Variants in TGFBR2 observed in about 807,000 individuals in gnomAD.
The protein encoded by TGFBR2 is transforming growth factor beta receptor 2.
A neutral mutation model predicts 49.0 loss-of-function variants in TGFBR2; 18 were observed. The observed-to-expected ratio is 0.37, with a 90% CI of 0.25 to 0.54. The LOEUF (loss-of-function observed/expected upper bound fraction) is 0.54. Ranked by LOEUF, TGFBR2 falls within the 20% of genes least tolerant of loss-of-function variation. TGFBR2 has a pLI of 0.85. For missense variants in TGFBR2, 525 were observed against 722.6 expected (o/e 0.73, Z 3.13); for synonymous variants, 282 against 275.9 (o/e 1.02, Z -0.22).
intron 1 of TGFBR2, among the ~76,000 whole-genome samples, chr3:30,607,839 TTATATATATAAA>T (rs1404342212): frequency 8.1e-6 from 1 of 123,748 alleles, no homozygotes; most frequent in African/African-American, 4.6e-5. Flanking sequence ...ATATATATAA[TTATATATATAAA>T]TATATATAAT....
chr3:30,647,656 T>C (rs568669004), intron 2 of TGFBR2, among the ~76,000 whole-genome samples: 12 of 149,668 alleles, frequency 8.0e-5, no homozygotes, highest in Non-Finnish European at 1.6e-4. Context: ...GATAGAAATA[T>C]TTTATAACCA....
intron 3 of TGFBR2, among the ~76,000 whole-genome samples, chr3:30,652,817 A>G (rs1698919458): frequency 6.6e-6 from 1 of 152,196 alleles, no homozygotes; most frequent in South Asian, 2.1e-4. Context: ...ATGGCCTGCA[A>G]GTTGGATCTA....
At chr3:30,607,001 C>T (rs750148390) in intron 1 of TGFBR2, 24 bp downstream of exon 1, 32 of 1,557,196 alleles carry the variant, frequency 2.1e-5, no homozygotes, top group Non-Finnish European at 2.7e-5. Context: ...AGCCCGGGCT[C>T]GGCGGGGCGC....
chr3:30,678,694 G>A (rs2125443449), intron 5 of TGFBR2, among the ~76,000 whole-genome samples: 1 of 152,222 alleles, frequency 6.6e-6, no homozygotes, highest in South Asian at 2.1e-4. Flanking sequence ...TGGCTGCTTG[G>A]ATTTCTCGGG....
chr3:30,607,850 A>AT (rs1559444211), intron 1 of TGFBR2, among the ~76,000 whole-genome samples: 2 of 137,036 alleles, frequency 1.5e-5, no homozygotes, highest in African/African-American at 6.1e-5. Flanking sequence ...TATATATATA[A>AT]ATATATATAA....
rs75862500 is a variant in TGFBR2, at chr3:30,675,938, T to G, written c.1396+1692T>G. Among the ~76,000 whole-genome samples, 1,209 of 152,328 alleles carry G rather than the reference T, an allele frequency of 7.9e-3. 27 individuals carry two copies. The East Asian group carries it at 0.098, about 12-fold the overall frequency. On this transcript the variant is annotated intron_variant, in intron 5 of 6. Transcript: ENST00000295754. ...CAGGATCCAGTCTAGGATCCCGCATTGATCTAATGTGCATGCCTCCTTAGT... is the reference window on the plus strand; with the variant it reads ...CAGGATCCAGTCTAGGATCCCGCATGGATCTAATGTGCATGCCTCCTTAGT...
intron 5 of TGFBR2, 46 bp downstream of exon 5, chr3:30,674,292 A>G (rs777975964): frequency 6.2e-7 from 1 of 1,610,940 alleles, no homozygotes; most frequent in Admixed American, 1.7e-5. Flanking sequence ...CTTGTCTTCA[A>G]AATAAGATCA....
At chr3:30,645,819 CCTCTCTCTCTCTCT>C (rs4016205) in intron 2 of TGFBR2, among the ~76,000 whole-genome samples, 1 of 147,890 alleles carries the variant, frequency 6.8e-6, no homozygotes, top group Non-Finnish European at 1.5e-5. Flanking sequence ...CACATTTTCT[CCTCTCTCTCTCTCT>C]CTCTCTCTCA....
intron 1 of TGFBR2, among the ~76,000 whole-genome samples, chr3:30,621,777 C>G (rs1057032875): frequency 4.6e-5 from 7 of 152,154 alleles, no homozygotes; most frequent in Admixed American, 2.0e-4. Context: ...CAGCACTTTA[C>G]AAAGCATTTT....
chr3:30,656,242 C>T (rs1429968968), intron 3 of TGFBR2, among the ~76,000 whole-genome samples: 1 of 152,124 alleles, frequency 6.6e-6, no homozygotes. Context: ...TCAGCAGTGA[C>T]AATAGTTTAT....
At chr3:30,658,246 A>ATCATGCT (rs1699045310) in intron 3 of TGFBR2, among the ~76,000 whole-genome samples, 1 of 152,224 alleles carries the variant, frequency 6.6e-6, no homozygotes, top group Non-Finnish European at 1.5e-5. Flanking sequence ...TCAAATCTGA[A>ATCATGCT]TCATGCTTCT....
At chr3:30,634,726 C>A (rs541469699) in intron 1 of TGFBR2, among the ~76,000 whole-genome samples, 1 of 152,238 alleles carries the variant, frequency 6.6e-6, no homozygotes, top group African/African-American at 2.4e-5. Flanking sequence ...TAAATTATTT[C>A]CTTGTTGCTA....
chr3:30,655,811 T>G (rs1698984391), intron 3 of TGFBR2, among the ~76,000 whole-genome samples: 1 of 152,222 alleles, frequency 6.6e-6, no homozygotes, highest in East Asian at 1.9e-4. Flanking sequence ...AGGTGCATCC[T>G]TTCTTACTTC....
chr3:30,679,804 G>C (rs1699508033), intron 5 of TGFBR2, among the ~76,000 whole-genome samples: 3 of 152,180 alleles, frequency 2.0e-5, no homozygotes, highest in Admixed American at 2.0e-4. Context: ...TATACTGCTA[G>C]CCTGGCCAAT....
At chr3:30,608,463 A>T (rs1697974324) in intron 1 of TGFBR2, among the ~76,000 whole-genome samples, 1 of 151,886 alleles carries the variant, frequency 6.6e-6, no homozygotes, top group Non-Finnish European at 1.5e-5. Flanking sequence ...CTTGGAGATG[A>T]CCCATGTAGA....
At chr3:30,652,232 G>GTT (rs11386584) in intron 3 of TGFBR2, among the ~76,000 whole-genome samples, 3,453 of 96,838 alleles carry the variant, frequency 0.036, 217 homozygotes, top group South Asian at 0.038. Context: ...TTTTCTGGTT[G>GTT]TTTTTTTTTT....
chr3:30,657,408 G>A lies in TGFBR2; in HGVS notation c.454+6948G>A, dbSNP rs76180082. On this transcript the variant is annotated intron_variant, in intron 3 of 6. Coordinates refer to ENST00000295754, the MANE Select transcript of TGFBR2 (RefSeq NM_003242.6). Reference sequence around the variant, plus strand: ...ACGATGGCCAGTAAGATGCTCATCTGTTGGGAAGACAACAGAGGGCAGGGC... The same window carrying A: ...ACGATGGCCAGTAAGATGCTCATCTATTGGGAAGACAACAGAGGGCAGGGC... Among the ~76,000 whole-genome samples, 1,030 of 152,270 alleles carry A rather than the reference G, an allele frequency of 6.8e-3. 11 individuals are homozygous for A. Among genetic ancestry groups the A allele is most frequent in the African/African-American group, 0.024 (991 of 41,540 alleles).
chr3:30,612,454 C>T (rs1198728770), intron 1 of TGFBR2, among the ~76,000 whole-genome samples: 3 of 152,122 alleles, frequency 2.0e-5, no homozygotes, highest in Non-Finnish European at 4.4e-5. Flanking sequence ...AGAGGGGAAG[C>T]TTACCATCTA....
intron 2 of TGFBR2, among the ~76,000 whole-genome samples, chr3:30,645,220 G>A (rs1450080411): frequency 6.6e-6 from 1 of 151,946 alleles, no homozygotes; most frequent in African/African-American, 2.4e-5. Context: ...TCAAGAAGAG[G>A]GATTTGCCGC....
Sources: gnomAD v4.1 joint callset for allele counts (sites outside exome capture counted in the v4.1 genomes callset) on GRCh38, gnomAD v4.1.1 for gene constraint, MANE v1.5 for transcripts, NCBI Gene and HGNC (gene_info 2026-07-23, HGNC 2026-07-21) for gene names.